Variants in RANBP17 observed in about 807,000 individuals in gnomAD.
RANBP17 encodes ran-binding protein 17.
In RANBP17, 158 loss-of-function variants were observed where a neutral mutation model predicts 141.2. The observed-to-expected ratio is 1.12, with a 90% CI of 0.98 to 1.28. The LOEUF (loss-of-function observed/expected upper bound fraction) is 1.28, where lower values mean the gene tolerates loss of function less well. Ranked by LOEUF, RANBP17 falls within the 50% of genes most tolerant of loss-of-function variation. The pLI, the probability that RANBP17 is intolerant of heterozygous loss-of-function variation, is 0.00. For missense variants in RANBP17, 1,438 were observed against 1,290.7 expected, an observed-to-expected ratio of 1.11 and a Z score of -1.75; for synonymous variants, 430 against 450.0, an observed-to-expected ratio of 0.96 and a Z score of 0.56.
chr5:170,901,186 G>T (rs971122279), intron 5 of RANBP17, among the ~76,000 whole-genome samples: 4 of 152,032 alleles, frequency 2.6e-5, no homozygotes, highest in Non-Finnish European at 5.9e-5. Flanking sequence ...TATGAATCTG[G>T]GTGCTCCTGT....
intron 18 of RANBP17, among the ~76,000 whole-genome samples, chr5:171,197,507 T>C: frequency 6.6e-6 from 1 of 152,178 alleles, no homozygotes; most frequent in East Asian, 1.9e-4. Context: ...TAATTCTCCT[T>C]CACTGAGAAA....
At chr5:171,229,609 G>A (rs544923502) in intron 22 of RANBP17, among the ~76,000 whole-genome samples, 2 of 151,122 alleles carry the variant, frequency 1.3e-5, no homozygotes, top group African/African-American at 4.9e-5. Flanking sequence ...TGGCCAGGCT[G>A]GTCTCAAACT....
At chr5:171,142,161 A>G (rs1394762503) in intron 14 of RANBP17, among the ~76,000 whole-genome samples, 3 of 152,158 alleles carry the variant, frequency 2.0e-5, no homozygotes, top group Non-Finnish European at 4.4e-5. Context: ...TTGGTTTTTA[A>G]TGATAATAGA....
chr5:171,254,666 C>T (rs1765778829), intron 24 of RANBP17, among the ~76,000 whole-genome samples: 1 of 152,120 alleles, frequency 6.6e-6, no homozygotes, highest in African/African-American at 2.4e-5. Flanking sequence ...TAAACCATTG[C>T]AGTTTTTTTG....
At chr5:171,094,317 A>ACT (rs1242747781) in intron 14 of RANBP17, among the ~76,000 whole-genome samples, 1 of 152,002 alleles carries the variant, frequency 6.6e-6, no homozygotes, top group Non-Finnish European at 1.5e-5. Flanking sequence ...GATGAGCTCA[A>ACT]CTCTAAGAGT....
At chr5:170,887,607 C>T (rs1581057030) in intron 3 of RANBP17, among the ~76,000 whole-genome samples, 1 of 152,216 alleles carries the variant, frequency 6.6e-6, no homozygotes, top group East Asian at 1.9e-4. Flanking sequence ...TGTCAGAGAT[C>T]AATTGACTGT....
At position 170,910,993 on chromosome 5, in the gene RANBP17, C is replaced by G; in HGVS notation, c.619C>G (p.Gln207Glu). The G allele has an allele frequency of 6.2e-7, 1 of 1,611,236 alleles. No individual in the cohort carries two copies. Among genetic ancestry groups the G allele is most frequent in the African/African-American group, 1.3e-5 (1 of 74,922 alleles). The change falls in exon 7 of 28, where the codon CAG (glutamine) becomes GAG (glutamate). Residue 207 changes from glutamine (Q) to glutamate (E), a missense_variant. Gln to Glu is a conservative substitution (Grantham distance 29). Coordinates refer to ENST00000523189, the MANE Select transcript of RANBP17 (RefSeq NM_022897.5). ...GGTGTTTGCCAAACCTTTAAATCTT[C>G]AGGATCAATGTCAGCAAAATCTGGT... ...KEVFAKPLNLQDQCQQNLVMQ... is the reference protein window; with the variant it reads ...KEVFAKPLNLEDQCQQNLVMQ...
intron 22 of RANBP17, among the ~76,000 whole-genome samples, chr5:171,234,053 A>G (rs1402494070): frequency 7.4e-6 from 1 of 136,040 alleles, no homozygotes. Flanking sequence ...TCCTTATTGT[A>G]AAAAAAAAAA....
chr5:170,863,046 C>T (rs1447673742), intron 1 of RANBP17, among the ~76,000 whole-genome samples: 1 of 152,052 alleles, frequency 6.6e-6, no homozygotes, highest in Non-Finnish European at 1.5e-5. Context: ...TTATTGAGCG[C>T]CTACTATGCT....
chr5:170,927,994 G>A, intron 12 of RANBP17, among the ~76,000 whole-genome samples: 1 of 151,980 alleles, frequency 6.6e-6, no homozygotes, highest in South Asian at 2.1e-4. Context: ...CATTAACATT[G>A]TATAAGAGTT....
At chr5:170,914,977 A>C (rs970749087) in intron 8 of RANBP17, among the ~76,000 whole-genome samples, 4 of 152,168 alleles carry the variant, frequency 2.6e-5, no homozygotes, top group African/African-American at 9.7e-5. Flanking sequence ...ATTGCCTAAA[A>C]GGGAGGAAAG....
At chr5:171,184,682 T>C (rs910382784) in intron 18 of RANBP17, among the ~76,000 whole-genome samples, 3 of 152,214 alleles carry the variant, frequency 2.0e-5, no homozygotes, top group African/African-American at 7.2e-5. Flanking sequence ...TTAGTTACTC[T>C]ACATCATACA....
chr5:170,884,522 C>T (rs535128887), intron 3 of RANBP17, among the ~76,000 whole-genome samples: 2 of 151,750 alleles, frequency 1.3e-5, no homozygotes, highest in African/African-American at 4.8e-5. Context: ...TAAAGATCTT[C>T]ATCCTCATCA....
At chr5:171,220,740 G>A (rs771548412) in intron 21 of RANBP17, among the ~76,000 whole-genome samples, 5 of 152,024 alleles carry the variant, frequency 3.3e-5, no homozygotes, top group Admixed American at 1.3e-4. Context: ...GAGCCACCGC[G>A]CCTGGTCCAA....
At chr5:170,931,981 T>G (rs971906142) in intron 12 of RANBP17, among the ~76,000 whole-genome samples, 2 of 152,218 alleles carry the variant, frequency 1.3e-5, no homozygotes, top group African/African-American at 2.4e-5. Context: ...GCATTGAATC[T>G]ATAAATTACC....
At chr5:171,125,792 A>ATTT (rs1214235593) in intron 14 of RANBP17, among the ~76,000 whole-genome samples, 2 of 145,410 alleles carry the variant, frequency 1.4e-5, no homozygotes, top group African/African-American at 2.5e-5. Context: ...ATCTCAGTAA[A>ATTT]TTTTTTTTTT....
intron 14 of RANBP17, among the ~76,000 whole-genome samples, chr5:171,044,010 A>G (rs1393678905): frequency 1.3e-5 from 2 of 152,156 alleles, no homozygotes; most frequent in African/African-American, 4.8e-5. Flanking sequence ...ATTTAAAATA[A>G]AAGTGCCTGT....
intron 14 of RANBP17, among the ~76,000 whole-genome samples, chr5:171,060,456 G>T (rs796878741): frequency 6.6e-6 from 1 of 151,842 alleles, no homozygotes; most frequent in Non-Finnish European, 1.5e-5. Context: ...TTTATATGCT[G>T]GATTACATTT....
chr5:170,922,706 T>A (rs1314763607), intron 11 of RANBP17, among the ~76,000 whole-genome samples: 1 of 152,174 alleles, frequency 6.6e-6, no homozygotes. Flanking sequence ...GTGTACTGTT[T>A]CTGCAGATAC....
Sources: allele counts gnomAD v4.1 joint callset (sites outside exome capture counted in the v4.1 genomes callset), GRCh38; gene constraint gnomAD v4.1.1; transcripts MANE v1.5; gene names NCBI Gene and HGNC (gene_info 2026-07-23, HGNC 2026-07-21).